The following YTHDC2 variants were observed in gnomAD, a reference collection of about 807,000 sequenced individuals.
The protein encoded by YTHDC2 is YTH N6-methyladenosine RNA binding protein C2.
Under a neutral mutation model 174.9 loss-of-function variants are expected in YTHDC2, and 45 were observed. The observed-to-expected ratio is 0.26, with a 90% CI of 0.20 to 0.33. The LOEUF is 0.33. Ranked by LOEUF, YTHDC2 falls within the 10% of genes least tolerant of loss-of-function variation. YTHDC2 has a pLI of 1.00. For synonymous variants in YTHDC2, 657 were observed against 574.5 expected (o/e 1.14, Z -2.05); for missense variants, 1,650 against 1,723.7 (o/e 0.96, Z 0.76).
At chr5:113,514,912 C>T (rs1773296546) in intron 1 of YTHDC2, among the ~76,000 whole-genome samples, 1 of 152,110 alleles carries the variant, frequency 6.6e-6, no homozygotes, top group Non-Finnish European at 1.5e-5. Flanking sequence ...ATTTTGTTAA[C>T]TAAACAAGTA....
At chr5:113,536,693 A>T (rs1775101038) in intron 7 of YTHDC2, among the ~76,000 whole-genome samples, 1 of 152,214 alleles carries the variant, frequency 6.6e-6, no homozygotes, top group African/African-American at 2.4e-5. Flanking sequence ...TTAATGTAAG[A>T]ACACAAATGT....
chr5:113,515,555 C>G (rs1046768919), intron 2 of YTHDC2, among the ~76,000 whole-genome samples, 193 bp downstream of exon 2: 1 of 152,116 alleles, frequency 6.6e-6, no homozygotes, highest in African/African-American at 2.4e-5. Context: ...CTCTTCCCCC[C>G]TTTTTTGTTT....
rs70973686 is a variant in YTHDC2, at chr5:113,561,957, GGTGTGTGTGT to G, written c.2322+805_2322+814del. 1.6e-3 allele frequency among the ~76,000 whole-genome samples: 218 copies of G among 134,950 alleles called. 1 individual carries two copies. The highest frequency in any genetic ancestry group is 7.3e-3 in the South Asian group (30 of 4,084). The allele number at this position is 134,950 out of a possible 152,430, so 88.5% of individuals were successfully genotyped here. On this transcript the variant is annotated intron_variant, in intron 18 of 29. Coordinates refer to ENST00000161863, the MANE Select transcript of YTHDC2 (RefSeq NM_022828.5). ...GATTTTCTGACCTCTATTAATTGTG[GGTGTGTGTGT>G]GTGTGTGTGTGTGTGTGTGTGTGTG...
intron 17 of YTHDC2, among the ~76,000 whole-genome samples, chr5:113,557,433 G>A (rs1776686707): frequency 6.6e-6 from 1 of 152,142 alleles, no homozygotes; most frequent in Admixed American, 6.6e-5. Flanking sequence ...TGTTATGTCA[G>A]TTGTTTTCTT....
Position 113,563,389 on chromosome 5 carries a change from C to T in YTHDC2, c.2339C>T (p.Thr780Ile). The part of the protein sequence containing the change: ...RMPLQELCLH[T>I]KLLAPVNCPI... Reference sequence around the variant, plus strand: ...GGTTTATAGGAACTTTGCTTACATACCAAGCTGTTAGCCCCAGTTAATTGT... The same window carrying T: ...GGTTTATAGGAACTTTGCTTACATATCAAGCTGTTAGCCCCAGTTAATTGT... Residue 780 changes from threonine to isoleucine, a missense_variant, in exon 19 of 30, where the codon ACC becomes ATC. Transcript: ENST00000161863. 1 of 1,610,166 alleles carries T rather than the reference C, an allele frequency of 6.2e-7. No homozygotes were observed. The highest frequency in any genetic ancestry group is 1.1e-5 in the South Asian group (1 of 90,220).
intron 23 of YTHDC2, among the ~76,000 whole-genome samples, chr5:113,568,724 A>G (rs1373807020): frequency 6.6e-6 from 1 of 152,174 alleles, no homozygotes; most frequent in Non-Finnish European, 1.5e-5. Context: ...TTATGGCTGC[A>G]TAGTATCCCA....
chr5:113,570,759 T>A (rs181516901), intron 23 of YTHDC2, among the ~76,000 whole-genome samples: 1 of 152,272 alleles, frequency 6.6e-6, no homozygotes, highest in East Asian at 1.9e-4. Flanking sequence ...CAAGCAATTC[T>A]GCTGCCTCAG....
At chr5:113,577,842 A>G (rs1161023926) in intron 23 of YTHDC2, among the ~76,000 whole-genome samples, 1 of 152,104 alleles carries the variant, frequency 6.6e-6, no homozygotes, top group African/African-American at 2.4e-5. Context: ...TTTAGTTGTC[A>G]TGGTGAATGG....
At chr5:113,520,254 A>G (rs1024420487) in intron 2 of YTHDC2, among the ~76,000 whole-genome samples, 7 of 152,180 alleles carry the variant, frequency 4.6e-5, no homozygotes, top group Non-Finnish European at 8.8e-5. Context: ...TGGCTGCACA[A>G]TAAACATAAT....
intron 18 of YTHDC2, among the ~76,000 whole-genome samples, chr5:113,563,143 A>G (rs1777109608): frequency 6.6e-6 from 1 of 151,982 alleles, no homozygotes; most frequent in Non-Finnish European, 1.5e-5. Context: ...CAATGGGAGC[A>G]ATGGCAATCT....
Position 113,594,888 on chromosome 5 carries a change from G to A in YTHDC2, c.*1414G>A, listed in dbSNP as rs1253353461. 6.6e-6 allele frequency: 1 copy of A among 152,114 alleles called. No homozygotes were observed. Among genetic ancestry groups the A allele is most frequent in the African/African-American group, 2.4e-5 (1 of 41,418 alleles). 9.4% of individuals were successfully genotyped at this position (152,114 alleles called of 1,614,324 possible). ...TTCTCTGGGAAAGCATTATATAGTG[G>A]TGCATTAGTTTAGAAAGTCAGCTAT... On this transcript the variant is annotated 3_prime_UTR_variant, in exon 30 of 30. Transcript: ENST00000161863.
At position 113,546,759 on chromosome 5, in the gene YTHDC2, A is replaced by C. The variant is rs71577452; in HGVS notation, c.1496-1782A>C. Among the ~76,000 whole-genome samples, 389 of 152,324 alleles carry C rather than the reference A, an allele frequency of 2.6e-3. 2 individuals carry two copies. Among genetic ancestry groups the C allele is most frequent in the Non-Finnish European group, 4.3e-3 (292 of 68,034 alleles). Reference sequence around the variant, plus strand: ...AAGTCTCTCATGAGGTTGCGGTTAAACTGTTCGTAGGGACTACATTCATCT... The same window carrying C: ...AAGTCTCTCATGAGGTTGCGGTTAACCTGTTCGTAGGGACTACATTCATCT... On this transcript the variant is annotated intron_variant, in intron 10 of 29. Coordinates refer to ENST00000161863, the MANE Select transcript of YTHDC2 (RefSeq NM_022828.5).
intron 19 of YTHDC2, 90 bp from the exon 20 acceptor site, chr5:113,563,769 A>T (rs1413366251): frequency 4.9e-6 from 7 of 1,420,328 alleles, no homozygotes; most frequent in Non-Finnish European, 6.7e-6. Flanking sequence ...GAAAATCTAT[A>T]TTCTTATTTC....
intron 23 of YTHDC2, among the ~76,000 whole-genome samples, chr5:113,574,755 A>G (rs750234096): frequency 1.3e-5 from 2 of 152,108 alleles, no homozygotes; most frequent in Non-Finnish European, 2.9e-5. Flanking sequence ...AGGGATATGT[A>G]CAAACAGATT....
At chr5:113,542,779 T>G (rs923457924) in intron 10 of YTHDC2, among the ~76,000 whole-genome samples, 1 of 152,224 alleles carries the variant, frequency 6.6e-6, no homozygotes, top group Non-Finnish European at 1.5e-5. Context: ...AATGCTGTTA[T>G]GTGTATGTGT....
intron 23 of YTHDC2, among the ~76,000 whole-genome samples, chr5:113,575,796 T>C (rs924905179): frequency 6.6e-6 from 1 of 152,170 alleles, no homozygotes; most frequent in Non-Finnish European, 1.5e-5. Context: ...CAGGAGTAAT[T>C]ACAAGAATAG....
At chr5:113,524,736 A>T (rs1336925929) in intron 2 of YTHDC2, among the ~76,000 whole-genome samples, 1 of 152,170 alleles carries the variant, frequency 6.6e-6, no homozygotes, top group African/African-American at 2.4e-5. Context: ...CTTAAGGGTA[A>T]GTAAGCCTTT....
chr5:113,530,887 C>T (rs1423110529), intron 4 of YTHDC2, among the ~76,000 whole-genome samples: 1 of 151,982 alleles, frequency 6.6e-6, no homozygotes, highest in East Asian at 1.9e-4. Context: ...CAACAAATTC[C>T]CTCAATTTGT....
At chr5:113,581,179 C>T (rs1375842090) in intron 24 of YTHDC2, 3 of 359,146 alleles carry the variant, frequency 8.4e-6, no homozygotes, top group African/African-American at 4.2e-5. Flanking sequence ...TCTGCCACAA[C>T]TATTGTTTAC....
Sources: allele counts gnomAD v4.1 joint callset (sites outside exome capture counted in the v4.1 genomes callset), GRCh38; gene constraint gnomAD v4.1.1; transcripts MANE v1.5; gene names NCBI Gene and HGNC (gene_info 2026-07-23, HGNC 2026-07-21).